Variants in FAXC observed in about 807,000 individuals in gnomAD.
FAXC encodes the protein failed axon connections homolog, metaxin like GST domain containing, also known as failed axon connections homolog.
A neutral mutation model predicts 41.9 loss-of-function variants in FAXC; 10 were observed. The ratio of observed to expected loss-of-function variants is 0.24; its 90% CI spans 0.15 to 0.41. The LOEUF (loss-of-function observed/expected upper bound fraction) is 0.41, where lower values mean the gene tolerates loss of function less well. FAXC is among the 10% of genes least tolerant of loss of function. The pLI is 1.00. For missense variants in FAXC, 399 were observed against 510.9 expected, an observed-to-expected ratio of 0.78 and a Z score of 2.11; for synonymous variants, 183 against 183.8, an observed-to-expected ratio of 1.00 and a Z score of 0.03.
chr6:99,288,847 G>A (rs535970410), intron 5 of FAXC, among the ~76,000 whole-genome samples: 1 of 69,534 alleles, frequency 1.4e-5, no homozygotes, highest in South Asian at 6.3e-4. Flanking sequence ...CACATGAATC[G>A]ACACACACAC....
At chr6:99,310,628 T>C (rs1198824568) in intron 4 of FAXC, among the ~76,000 whole-genome samples, 1 of 152,250 alleles carries the variant, frequency 6.6e-6, no homozygotes, top group Non-Finnish European at 1.5e-5. Flanking sequence ...TTACTTTCAA[T>C]GTCTATGGTT....
chr6:99,320,795 CTT>C (rs1240928221), intron 4 of FAXC, among the ~76,000 whole-genome samples: 1 of 152,190 alleles, frequency 6.6e-6, no homozygotes, highest in Non-Finnish European at 1.5e-5. Flanking sequence ...TGGGACAACT[CTT>C]TTCTTTCTTG....
chr6:99,311,840 C>T (rs1283556725), intron 4 of FAXC, among the ~76,000 whole-genome samples: 1 of 152,152 alleles, frequency 6.6e-6, no homozygotes, highest in Admixed American at 6.5e-5. Flanking sequence ...ATCTCACCTT[C>T]CTCTCTGTCT....
At chr6:99,315,232 T>TAAAAAAAAA (rs1174982279) in intron 4 of FAXC, among the ~76,000 whole-genome samples, 2 of 40,508 alleles carry the variant, frequency 4.9e-5, no homozygotes, top group African/African-American at 2.8e-4. Context: ...CACTCCATCT[T>TAAAAAAAAA]AAAAAAAAAA....
chr6:99,281,504 C>T, intron 5 of FAXC, 51 bp from the exon 6 acceptor site: 1 of 1,398,832 alleles, frequency 7.1e-7, no homozygotes, highest in Non-Finnish European at 1.0e-6. Flanking sequence ...CAGCAGTCTA[C>T]CACTTCTATG....
At chr6:99,318,306 C>CACACACAAA (rs147852055) in intron 4 of FAXC, among the ~76,000 whole-genome samples, 16 of 135,230 alleles carry the variant, frequency 1.2e-4, no homozygotes, top group African/African-American at 4.1e-4. Flanking sequence ...CACACACACA[C>CACACACAAA]AAAATAGAAG....
intron 1 of FAXC, among the ~76,000 whole-genome samples, 198 bp downstream of exon 1, chr6:99,348,909 G>A (rs143754090): frequency 2.1e-3 from 318 of 152,268 alleles, no homozygotes; most frequent in African/African-American, 7.1e-3. Flanking sequence ...TCCCAGCACC[G>A]GTTTAATTCT....
At chr6:99,292,192 G>C (rs895493138) in intron 4 of FAXC, among the ~76,000 whole-genome samples, 18 of 152,082 alleles carry the variant, frequency 1.2e-4, no homozygotes, top group Non-Finnish European at 2.4e-4. Flanking sequence ...CATCTCAAAA[G>C]TAACCCAAAG....
At chr6:99,286,621 G>A (rs151047486) in intron 5 of FAXC, among the ~76,000 whole-genome samples, 1 of 152,196 alleles carries the variant, frequency 6.6e-6, no homozygotes, top group East Asian at 1.9e-4. Context: ...GTTTTGATAG[G>A]ACTCTGGAGG....
At chr6:99,282,726 G>T (rs1770884576) in intron 5 of FAXC, among the ~76,000 whole-genome samples, 1 of 150,872 alleles carries the variant, frequency 6.6e-6, no homozygotes. Flanking sequence ...ATTACTCTAA[G>T]AATGTCTTTG....
rs146198315 is a variant in FAXC at position 99,291,744 on chromosome 6, C to G, written c.900G>C (p.Met300Ile). 1.9e-6 allele frequency: 3 copies of G among 1,613,994 alleles called. No homozygotes were observed. The highest frequency in any genetic ancestry group is 2.5e-6 in the Non-Finnish European group (3 of 1,180,020). The change falls in exon 5 of 6, where the codon ATG becomes ATC. Residue 300 changes from methionine to isoleucine, a missense_variant. Met to Ile is a conservative substitution (Grantham distance 10). Around this residue, in one of 3 missense-constraint regions of FAXC, gnomAD observed 239 missense variants for 352.7 expected, o/e 0.68. Coordinates refer to ENST00000389677, the MANE Select transcript of FAXC (RefSeq NM_032511.4). ...ATVFGHLAQA[M>I]WTLPGTRPER... is the part of the protein sequence containing the mutation. Reference sequence around the variant, plus strand: ...CGGGTCTTGTCCCTGGTAAGGTCCACATTGCCTGTGCCAAGTGTCCAAAGA... The same window carrying G: ...CGGGTCTTGTCCCTGGTAAGGTCCAGATTGCCTGTGCCAAGTGTCCAAAGA...
At chr6:99,314,726 A>G (rs1772274121) in intron 4 of FAXC, among the ~76,000 whole-genome samples, 1 of 152,182 alleles carries the variant, frequency 6.6e-6, no homozygotes, top group Non-Finnish European at 1.5e-5. Context: ...CCCTGCCACC[A>G]CTGCCTCATG....
chr6:99,320,574 C>T (rs1277327107), intron 4 of FAXC, among the ~76,000 whole-genome samples: 1 of 152,224 alleles, frequency 6.6e-6, no homozygotes, highest in Non-Finnish European at 1.5e-5. Context: ...CTAGATCACA[C>T]ATGCGGCTCC....
At chr6:99,346,928 A>G (rs1417067993) in intron 1 of FAXC, among the ~76,000 whole-genome samples, 1 of 152,162 alleles carries the variant, frequency 6.6e-6, no homozygotes, top group Non-Finnish European at 1.5e-5. Context: ...TATTGTTTGC[A>G]TTACTTCAGA....
rs1771904167 is a variant in FAXC, at chr6:99,305,973, CAATT to C, written c.824-14157_824-14154del. Among the ~76,000 whole-genome samples the C allele has an allele frequency of 2.6e-5, 4 of 151,934 alleles. No homozygotes were observed. The South Asian group carries it at 8.3e-4, about 32-fold the overall frequency. ...AGAGACAATAAGCAAATCAATCAAT[CAATT>C]AAAAAAAGCAGCCAATGATCAGCGC... On this transcript the variant is annotated intron_variant, in intron 4 of 5. Coordinates refer to ENST00000389677, the MANE Select transcript of FAXC (RefSeq NM_032511.4).
chr6:99,291,732 T>C lies in FAXC; in HGVS notation c.912A>G (p.Pro304=), dbSNP rs1188473638. The C allele has an allele frequency of 2.5e-6, 4 of 1,613,780 alleles. No homozygotes were observed. The highest frequency in any genetic ancestry group is 4.5e-5 in the East Asian group (2 of 44,868). Residue 304 remains proline, a synonymous_variant, in exon 5 of 6, where the codon CCA becomes CCG. Transcript: ENST00000389677. ...TGATCAGCCGTTCGGGTCTTGTCCCTGGTAAGGTCCACATTGCCTGTGCCA... is the reference window on the plus strand; with the variant it reads ...TGATCAGCCGTTCGGGTCTTGTCCCCGGTAAGGTCCACATTGCCTGTGCCA... The part of the protein sequence containing the change: ...GHLAQAMWTL[P]GTRPERLIKG...
chr6:99,342,642 C>A (rs1472025933), intron 2 of FAXC, among the ~76,000 whole-genome samples: 2 of 152,206 alleles, frequency 1.3e-5, no homozygotes, highest in Non-Finnish European at 2.9e-5. Flanking sequence ...CCGTGCCCAG[C>A]CCAAAGAATA....
chr6:99,272,387 C>G lies in FAXC; in HGVS notation c.*8777G>C, dbSNP rs1160938522. ...ACAGGGTTTCTCCATGTTGGTCAGG[C>G]TGGTCTCAAACTCCCAACCTCAGGT... On this transcript the variant is annotated 3_prime_UTR_variant, in exon 6 of 6. Coordinates refer to ENST00000389677, the MANE Select transcript of FAXC (RefSeq NM_032511.4). 1 of 152,216 alleles carries G rather than the reference C, an allele frequency of 6.6e-6. No individual in the cohort carries two copies. Among genetic ancestry groups the G allele is most frequent in the Non-Finnish European group, 1.5e-5 (1 of 68,114 alleles). The allele number at this position is 152,216 out of a possible 1,614,324, so 9.4% of individuals were successfully genotyped here.
In FAXC at chr6:99,349,164, G is replaced by C. The variant is rs1249277321; in HGVS notation, c.209C>G (p.Thr70Ser). 1 of 1,613,820 alleles carries C rather than the reference G, an allele frequency of 6.2e-7. No individual in the cohort carries two copies. The change falls in exon 1 of 6, where the codon ACC becomes AGC. Residue 70 changes from threonine (T) to serine (S), a missense_variant. Coordinates refer to ENST00000389677, the MANE Select transcript of FAXC (RefSeq NM_032511.4). ...DPWWKKTLYL[T>S]GGALLAAAAY... ...AGCTGCGGCCAGCAAAGCTCCCCCGGTCAAGTAAAGGGTTTTCTTCCACCA... is the reference window on the plus strand; with the variant it reads ...AGCTGCGGCCAGCAAAGCTCCCCCGCTCAAGTAAAGGGTTTTCTTCCACCA...
Sources: gnomAD v4.1 joint callset for allele counts (sites outside exome capture counted in the v4.1 genomes callset) on GRCh38, gnomAD v4.1.1 for gene constraint, gnomAD v4.1.1 regional missense constraint, MANE v1.5 for transcripts, NCBI Gene and HGNC (gene_info 2026-07-23, HGNC 2026-07-21) for gene names.